SGMS1: variants seen among roughly 807,000 people sequenced by gnomAD.
SGMS1 encodes the protein sphingomyelin synthase 1.
SGMS1 carries 13 observed loss-of-function variants against 46.2 expected under a neutral mutation model. The ratio of observed to expected loss-of-function variants is 0.28; its 90% CI spans 0.18 to 0.45. The LOEUF is 0.45. Ranked by LOEUF, SGMS1 falls within the 20% of genes least tolerant of loss-of-function variation. The pLI is 1.00. For synonymous variants in SGMS1, 203 were observed against 187.8 expected, an observed-to-expected ratio of 1.08 and a Z score of -0.66; for missense variants, 324 against 519.9, an observed-to-expected ratio of 0.62 and a Z score of 3.66.
At chr10:50,535,652 G>A (rs1211060753) in intron 2 of SGMS1, among the ~76,000 whole-genome samples, 1 of 152,186 alleles carries the variant, frequency 6.6e-6, no homozygotes, top group Non-Finnish European at 1.5e-5. Context: ...ACAGGCATGA[G>A]CCACCACGCC....
chr10:50,346,217 A>C (rs1233810602), intron 6 of SGMS1, among the ~76,000 whole-genome samples: 1 of 152,206 alleles, frequency 6.6e-6, no homozygotes, highest in Admixed American at 6.5e-5. Context: ...CTAAGAAATC[A>C]TATGTGAAAG....
At chr10:50,553,892 G>A (rs1253946653) in intron 2 of SGMS1, among the ~76,000 whole-genome samples, 2 of 152,130 alleles carry the variant, frequency 1.3e-5, no homozygotes, top group Admixed American at 1.3e-4. Flanking sequence ...TATACTCAAA[G>A]CAACAGATGA....
intron 6 of SGMS1, among the ~76,000 whole-genome samples, chr10:50,373,251 TA>T (rs2133450629): frequency 1.3e-5 from 2 of 152,364 alleles, no homozygotes; most frequent in African/African-American, 4.8e-5. Context: ...CTGGTAGGAA[TA>T]ATAAGATAAT....
At chr10:50,313,259 C>T (rs920809730) in intron 8 of SGMS1, among the ~76,000 whole-genome samples, 3 of 152,096 alleles carry the variant, frequency 2.0e-5, no homozygotes, top group South Asian at 2.1e-4. Flanking sequence ...GAGTCACAGA[C>T]GGACACTAAA....
chr10:50,324,204 AG>A (rs1400337008), intron 8 of SGMS1, among the ~76,000 whole-genome samples: 3 of 152,236 alleles, frequency 2.0e-5, no homozygotes, highest in African/African-American at 7.2e-5. Flanking sequence ...TTTGCCATTT[AG>A]GGAGGGAACT....
intron 6 of SGMS1, among the ~76,000 whole-genome samples, chr10:50,362,067 G>T (rs980272795): frequency 2.0e-5 from 3 of 152,136 alleles, no homozygotes; most frequent in Admixed American, 6.6e-5. Context: ...CTAATGCATA[G>T]TACACACTTA....
chr10:50,577,916 G>A (rs1292912047), intron 2 of SGMS1, among the ~76,000 whole-genome samples: 3 of 152,316 alleles, frequency 2.0e-5, no homozygotes, highest in East Asian at 1.9e-4. Flanking sequence ...TCTAATCAGC[G>A]CCAGGGCCAG....
chr10:50,369,011 C>T (rs905326163), intron 6 of SGMS1, among the ~76,000 whole-genome samples: 11 of 152,074 alleles, frequency 7.2e-5, no homozygotes, highest in Admixed American at 2.6e-4. Context: ...CCAACATTAA[C>T]GTATATATAA....
chr10:50,395,987 T>C (rs1848843348), intron 6 of SGMS1, among the ~76,000 whole-genome samples: 1 of 152,152 alleles, frequency 6.6e-6, no homozygotes, highest in African/African-American at 2.4e-5. Context: ...GCTGAAAAAG[T>C]TATTTCCACC....
At chr10:50,346,776 C>CT (rs1847919072) in intron 6 of SGMS1, among the ~76,000 whole-genome samples, 1 of 152,066 alleles carries the variant, frequency 6.6e-6, no homozygotes. Flanking sequence ...TCATGGCTCA[C>CT]TGCAATCTCT....
chr10:50,524,092 T>G (rs189618382), intron 2 of SGMS1, among the ~76,000 whole-genome samples: 110 of 152,350 alleles, frequency 7.2e-4, no homozygotes, highest in Non-Finnish European at 1.2e-3. Context: ...TCAGGTCCCC[T>G]AGATCTTAAA....
At chr10:50,476,140 G>A (rs962413309) in intron 3 of SGMS1, among the ~76,000 whole-genome samples, 2 of 149,138 alleles carry the variant, frequency 1.3e-5, no homozygotes, top group African/African-American at 4.9e-5. Context: ...CAGGCATGGT[G>A]GCGTGTGCCT....
chr10:50,322,018 C>T (rs759480080), intron 8 of SGMS1, among the ~76,000 whole-genome samples: 1 of 152,206 alleles, frequency 6.6e-6, no homozygotes, highest in Non-Finnish European at 1.5e-5. Flanking sequence ...TCTGCTGTTG[C>T]ATTTGTATTA....
chr10:50,384,565 A>G (rs1848654738), intron 6 of SGMS1, among the ~76,000 whole-genome samples: 2 of 151,658 alleles, frequency 1.3e-5, no homozygotes, highest in East Asian at 3.9e-4. Context: ...CTCCCACCTC[A>G]GCCTCTGGAG....
intron 1 of SGMS1, among the ~76,000 whole-genome samples, chr10:50,619,139 A>C (rs565812414): frequency 6.6e-6 from 1 of 152,238 alleles, no homozygotes; most frequent in African/African-American, 2.4e-5. Flanking sequence ...TCTCAAAAAA[A>C]AGAAAAAAAA....
intron 2 of SGMS1, among the ~76,000 whole-genome samples, chr10:50,560,690 A>T (rs982908578): frequency 6.7e-6 from 1 of 149,764 alleles, no homozygotes; most frequent in African/African-American, 2.4e-5. Context: ...TATATGTTAC[A>T]TATATACATC....
At position 50,458,339 on chromosome 10, in the gene SGMS1, CTTTTTTTTTT is replaced by C. The variant is rs750349777; in HGVS notation, c.-313+2324_-313+2333del. ...TCTGGCTCTGCTATTTTCTTTTTCT[CTTTTTTTTTT>C]TTTTTTTTTTTTTTTTTTTTGTTTG... On this transcript the variant is annotated intron_variant, in intron 5 of 10. Coordinates refer to ENST00000361781, the MANE Select transcript of SGMS1 (RefSeq NM_147156.4). Among the ~76,000 whole-genome samples the C allele has an allele frequency of 5.9e-3, 577 of 97,166 alleles. 1 individual carries two copies. The highest frequency in any genetic ancestry group is 0.021 in the African/African-American group (487 of 23,492). The allele number at this position is 97,166 out of a possible 152,430, so 63.7% of individuals were successfully genotyped here.
chr10:50,500,956 T>A (rs1459030678), intron 3 of SGMS1, among the ~76,000 whole-genome samples: 1 of 152,194 alleles, frequency 6.6e-6, no homozygotes, highest in African/African-American at 2.4e-5. Flanking sequence ...CTATGGTAGT[T>A]CAAGAGTAAT....
chr10:50,331,257 C>T (rs1847619788), intron 7 of SGMS1, among the ~76,000 whole-genome samples: 1 of 152,140 alleles, frequency 6.6e-6, no homozygotes, highest in Non-Finnish European at 1.5e-5. Context: ...TTCTTAAGAC[C>T]ACCTGGCAAT....
Sources: gnomAD v4.1 joint callset for allele counts (sites outside exome capture counted in the v4.1 genomes callset) on GRCh38, gnomAD v4.1.1 for gene constraint, MANE v1.5 for transcripts, NCBI Gene and HGNC (gene_info 2026-07-23, HGNC 2026-07-21) for gene names.